HYDIN: variants seen among roughly 807,000 people sequenced by gnomAD.
HYDIN encodes axonemal central pair apparatus protein HYDIN.
HYDIN carries 132 observed loss-of-function variants against 403.9 expected under a neutral mutation model. The ratio of observed to expected loss-of-function variants is 0.33; its 90% CI spans 0.28 to 0.38. The LOEUF (loss-of-function observed/expected upper bound fraction) is 0.38. Ranked by LOEUF, HYDIN falls within the 10% of genes least tolerant of loss-of-function variation. HYDIN has a pLI of 1.00. For synonymous variants in HYDIN, 1,202 were observed against 1,891.7 expected (o/e 0.64, Z 9.46); for missense variants, 2,827 against 5,009.5 (o/e 0.56, Z 13.15).
intron 5 of HYDIN, among the ~76,000 whole-genome samples, chr16:71,175,387 T>G (rs2086629805): frequency 6.6e-6 from 1 of 151,416 alleles, no homozygotes; most frequent in South Asian, 2.1e-4. Context: ...ATCACCACCA[T>G]CTATACTACC....
In HYDIN at chr16:71,204,407, C is replaced by T. The variant is rs905481347; in HGVS notation, c.-23-17489G>A. Among the ~76,000 whole-genome samples, 56 of 152,228 alleles carry T rather than the reference C, an allele frequency of 3.7e-4. 1 individual carries two copies. Among genetic ancestry groups the T allele is most frequent in the Admixed American group, 3.6e-3 (55 of 15,288 alleles). ...AGGGACCAGTGCTTTCATCAATCTC[C>T]ACCAGCCATTAGGGATGTGGCAATT... On this transcript the variant is annotated intron_variant, in intron 1 of 85. Transcript: ENST00000393567.
chr16:71,134,679 A>G (rs1477287903), intron 8 of HYDIN, among the ~76,000 whole-genome samples: 2 of 152,170 alleles, frequency 1.3e-5, no homozygotes, highest in East Asian at 3.8e-4. Context: ...CTGTCCAGAA[A>G]GCAGGAGTTA....
At chr16:71,200,622 T>C (rs1391250959) in intron 1 of HYDIN, among the ~76,000 whole-genome samples, 2 of 152,204 alleles carry the variant, frequency 1.3e-5, no homozygotes, top group Non-Finnish European at 2.9e-5. Context: ...CAAAAGTGAA[T>C]TTTTTATTTA....
At chr16:71,184,838 T>C in intron 3 of HYDIN, 27 bp downstream of exon 3, 1 of 1,556,324 alleles carries the variant, frequency 6.4e-7, no homozygotes, top group Non-Finnish European at 8.7e-7. Context: ...GCCCACTTTA[T>C]ATGTAAGTAC....
intron 45 of HYDIN, among the ~76,000 whole-genome samples, chr16:70,922,329 T>C (rs575561695): frequency 6.6e-6 from 1 of 152,380 alleles, no homozygotes; most frequent in South Asian, 2.1e-4. Context: ...GAAGGACTTG[T>C]ACTTGCAAGA....
At chr16:70,837,088 A>C (rs2037477539) in intron 77 of HYDIN, among the ~76,000 whole-genome samples, 1 of 152,214 alleles carries the variant, frequency 6.6e-6, no homozygotes, top group East Asian at 1.9e-4. Context: ...TAATCCCACC[A>C]GACAAGCACC....
At chr16:71,135,203 T>C (rs2084870113) in intron 8 of HYDIN, among the ~76,000 whole-genome samples, 1 of 151,540 alleles carries the variant, frequency 6.6e-6, no homozygotes, top group East Asian at 1.9e-4. Context: ...GAAGAAATAA[T>C]AGAAAGAGCA....
chr16:71,228,991 T>C (rs1206260543), intron 1 of HYDIN, among the ~76,000 whole-genome samples: 4 of 151,684 alleles, frequency 2.6e-5, no homozygotes, highest in African/African-American at 7.3e-5. Context: ...AAAGGATGAG[T>C]TCATGTCCTT....
chr16:71,027,549 G>A lies in HYDIN; in HGVS notation c.3042+53C>T, dbSNP rs774471163. ...GGGACTTTCCTAAGAAATAGATACAGTAGAGATTTATTTAGGAAAAAACAA... is the reference window on the plus strand; with the variant it reads ...GGGACTTTCCTAAGAAATAGATACAATAGAGATTTATTTAGGAAAAAACAA... On this transcript the variant is annotated intron_variant, in intron 20 of 85. Coordinates refer to ENST00000393567, the MANE Select transcript of HYDIN (RefSeq NM_001270974.2). The A allele has an allele frequency of 4.3e-6, 7 of 1,609,852 alleles. No individual in the cohort carries two copies. The East Asian group carries it at 1.3e-4, about 31-fold the overall frequency.
At chr16:71,212,867 G>A (rs901322632) in intron 1 of HYDIN, among the ~76,000 whole-genome samples, 1 of 151,988 alleles carries the variant, frequency 6.6e-6, no homozygotes, top group Admixed American at 6.6e-5. Flanking sequence ...AGATAAATGG[G>A]GGAAAAAGTC....
intron 19 of HYDIN, among the ~76,000 whole-genome samples, chr16:71,030,845 C>G (rs1007607021): frequency 4.6e-5 from 7 of 151,966 alleles, no homozygotes; most frequent in Non-Finnish European, 8.8e-5. Flanking sequence ...TCAGGCAAAG[C>G]CAATGGAAAC....
intron 47 of HYDIN, among the ~76,000 whole-genome samples, chr16:70,913,194 C>A (rs1017093832): frequency 2.7e-5 from 4 of 149,360 alleles, no homozygotes; most frequent in African/African-American, 9.9e-5. Flanking sequence ...TTGATTTGTT[C>A]TTGTTTCTCT....
At chr16:71,032,289 T>A (rs2080941283) in intron 18 of HYDIN, among the ~76,000 whole-genome samples, 1 of 147,292 alleles carries the variant, frequency 6.8e-6, no homozygotes, top group South Asian at 2.1e-4. Flanking sequence ...TTTTTATTCT[T>A]ATTTATTTTT....
At position 70,953,709 on chromosome 16, in the gene HYDIN, C is replaced by G. The variant is rs375758958; in HGVS notation, c.6317-1074G>C. Among the ~76,000 whole-genome samples, 34 of 151,700 alleles carry G rather than the reference C, an allele frequency of 2.2e-4. 1 individual carries two copies. The highest frequency in any genetic ancestry group is 7.7e-4 in the African/African-American group (32 of 41,326). On this transcript the variant is annotated intron_variant, in intron 40 of 85. Coordinates refer to ENST00000393567, the MANE Select transcript of HYDIN (RefSeq NM_001270974.2). ...AAGACTCTCCCAGCTGTGTCTCTAG[C>G]TTGATGTTATTTTCTCAGACCAGGA...
At chr16:70,937,669 CAAA>C (rs55658404) in intron 44 of HYDIN, among the ~76,000 whole-genome samples, 6 of 80,946 alleles carry the variant, frequency 7.4e-5, no homozygotes, top group South Asian at 5.1e-4. Context: ...GAGTCTGTCT[CAAA>C]AAAAAAAAAA....
chr16:70,932,206 T>C (rs1198646826), intron 45 of HYDIN, among the ~76,000 whole-genome samples: 2 of 146,336 alleles, frequency 1.4e-5, no homozygotes, highest in Non-Finnish European at 3.0e-5. Context: ...AATATAAAAA[T>C]TAGCCGAGTG....
intron 19 of HYDIN, among the ~76,000 whole-genome samples, chr16:71,028,220 C>T (rs1463917047): frequency 5.9e-5 from 9 of 152,058 alleles, no homozygotes; most frequent in Admixed American, 3.3e-4. Context: ...GAAGGAGAAG[C>T]GAGTTTCAAG....
intron 5 of HYDIN, among the ~76,000 whole-genome samples, chr16:71,170,749 T>A (rs2086429748): frequency 6.6e-6 from 1 of 152,170 alleles, no homozygotes; most frequent in Non-Finnish European, 1.5e-5. Flanking sequence ...ACAATCATGG[T>A]ACTGTGGTTA....
intron 4 of HYDIN, among the ~76,000 whole-genome samples, chr16:71,178,685 CAA>C (rs1219281664): frequency 1.3e-5 from 2 of 152,128 alleles, no homozygotes; most frequent in Non-Finnish European, 1.5e-5. Context: ...CTTTAATCAA[CAA>C]AAGTTAGTGC....
Sources: allele counts gnomAD v4.1 joint callset (sites outside exome capture counted in the v4.1 genomes callset), GRCh38; gene constraint gnomAD v4.1.1; transcripts MANE v1.5; gene names NCBI Gene and HGNC (gene_info 2026-07-23, HGNC 2026-07-21).